FRMPD4: variants seen among roughly 807,000 people sequenced by gnomAD.
FRMPD4 encodes the protein FERM and PDZ domain-containing protein 4.
A neutral mutation model predicts 94.1 loss-of-function variants in FRMPD4; 22 were observed. The observed-to-expected ratio is 0.23, with a 90% CI of 0.17 to 0.33. FRMPD4 has a LOEUF of 0.33. FRMPD4 is among the 10% of genes least tolerant of loss of function. The pLI, the probability that FRMPD4 is intolerant of heterozygous loss-of-function variation, is 1.00. For synonymous variants in FRMPD4, 631 were observed against 548.6 expected (o/e 1.15, Z -2.10); for missense variants, 1,111 against 1,339.9 (o/e 0.83, Z 2.67).
intron 1 of FRMPD4, among the ~76,000 whole-genome samples, chrX:12,311,252 C>G (rs1027515999): frequency 1.8e-5 from 2 of 112,004 alleles, no homozygotes; most frequent in Admixed American, 1.9e-4. Flanking sequence ...GTTTCTCTCC[C>G]TTTAGTGGTT....
chrX:12,497,634 T>C (rs2057866296), intron 1 of FRMPD4, among the ~76,000 whole-genome samples: 2 of 111,359 alleles, frequency 1.8e-5, no homozygotes, highest in South Asian at 7.6e-4. Flanking sequence ...GTGAACACTT[T>C]TTTTCCAACA....
At chrX:12,559,989 C>T (rs1010283965) in intron 2 of FRMPD4, among the ~76,000 whole-genome samples, 1 of 103,866 alleles carries the variant, frequency 9.6e-6, no homozygotes, top group Non-Finnish European at 2.0e-5. Flanking sequence ...CAATTACAGA[C>T]TACATTCAGA....
At chrX:11,894,654 C>G (rs1427821181) in intron 3 of FRMPD4, among the ~76,000 whole-genome samples, 1 of 111,809 alleles carries the variant, frequency 8.9e-6, no homozygotes, top group African/African-American at 3.2e-5. Flanking sequence ...AAAAAAAATT[C>G]AGGAATCAGC....
At chrX:12,292,073 T>C (rs2147877226) in intron 1 of FRMPD4, among the ~76,000 whole-genome samples, 1 of 111,879 alleles carries the variant, frequency 8.9e-6, no homozygotes, top group East Asian at 2.8e-4. Flanking sequence ...TTGGATTTAC[T>C]GCCCATTGCA....
At chrX:12,336,398 C>T (rs1354612133) in intron 1 of FRMPD4, among the ~76,000 whole-genome samples, 1 of 111,916 alleles carries the variant, frequency 8.9e-6, no homozygotes, top group African/African-American at 3.3e-5. Flanking sequence ...AGGCTTATTT[C>T]TCTTTGGGTC....
intron 3 of FRMPD4, among the ~76,000 whole-genome samples, chrX:12,051,497 C>T (rs2054818902): frequency 1.8e-5 from 2 of 111,794 alleles, no homozygotes; most frequent in African/African-American, 6.5e-5. Context: ...AATTAGAATA[C>T]TTTATATTCC....
chrX:12,398,021 A>G (rs1439434175), intron 1 of FRMPD4, among the ~76,000 whole-genome samples: 1 of 111,387 alleles, frequency 9.0e-6, no homozygotes, highest in African/African-American at 3.3e-5. Flanking sequence ...TGATTCTCCT[A>G]TCACTGGGGG....
intron 1 of FRMPD4, among the ~76,000 whole-genome samples, chrX:12,204,410 C>T (rs2056666735): frequency 8.9e-6 from 1 of 111,906 alleles, no homozygotes; most frequent in African/African-American, 3.2e-5. Context: ...ATACTGTTGT[C>T]GCCCTTTGAT....
chrX:12,053,315 G>GAATACA (rs2054828971), intron 3 of FRMPD4, among the ~76,000 whole-genome samples: 3 of 98,280 alleles, frequency 3.1e-5, no homozygotes, highest in South Asian at 9.9e-4. Context: ...TTCCAGCCTG[G>GAATACA]GTGACAGAAA....
At chrX:12,362,361 C>T (rs1414747889) in intron 1 of FRMPD4, among the ~76,000 whole-genome samples, 2 of 110,635 alleles carry the variant, frequency 1.8e-5, no homozygotes, top group African/African-American at 6.6e-5. Context: ...CCCCCCTCCT[C>T]CCACTCCATG....
chrX:12,614,798 G>T lies in FRMPD4; in HGVS notation c.339G>T (p.Lys113Asn). 1 of 1,176,078 alleles carries T rather than the reference G, an allele frequency of 8.5e-7. No homozygotes were observed. Among genetic ancestry groups the T allele is most frequent in the Non-Finnish European group, 1.2e-6 (1 of 864,182 alleles). The part of the protein sequence containing the change: ...SVTPGGPSEG[K>N]LIPGDQIVMI... ...CTCCAGGTGGCCCCTCTGAAGGCAA[G>T]CTGATCCCGGGAGATCAGATTGTAA... Residue 113 changes from lysine (K) to asparagine (N), a missense_variant, in exon 4 of 17, where the codon AAG (lysine) becomes AAT (asparagine). Lys to Asn is a moderately conservative substitution (Grantham distance 94, BLOSUM62 0). This residue lies in a region of FRMPD4 where 140 missense variants were observed against 165.9 expected (regional missense o/e 0.84). Transcript: ENST00000675598.
intron 3 of FRMPD4, among the ~76,000 whole-genome samples, chrX:11,967,637 C>A (rs2054316521): frequency 1.8e-5 from 2 of 111,003 alleles, no homozygotes; most frequent in Admixed American, 1.9e-4. Context: ...TGGTCTTACT[C>A]GTGAATGGAG....
intron 3 of FRMPD4, among the ~76,000 whole-genome samples, chrX:12,116,377 C>A (rs762594165): frequency 8.9e-5 from 10 of 112,277 alleles, no homozygotes; most frequent in Non-Finnish European, 1.7e-4. Flanking sequence ...CTTGAACTCT[C>A]CCCATGCTCC....
chrX:12,284,673 C>T (rs1461741394), intron 1 of FRMPD4, among the ~76,000 whole-genome samples: 2 of 111,773 alleles, frequency 1.8e-5, no homozygotes, highest in Non-Finnish European at 3.8e-5. Context: ...CCAACCCCCT[C>T]GCAAAAGCAT....
chrX:12,081,730 C>A (rs2055063766), intron 3 of FRMPD4, among the ~76,000 whole-genome samples: 1 of 111,431 alleles, frequency 9.0e-6, no homozygotes, highest in Non-Finnish European at 1.9e-5. Context: ...TTTTTATTAC[C>A]TTTGAAATTC....
At chrX:11,996,775 C>A (rs1436387948) in intron 3 of FRMPD4, among the ~76,000 whole-genome samples, 11 of 111,282 alleles carry the variant, frequency 9.9e-5, no homozygotes, top group African/African-American at 3.3e-4. Flanking sequence ...GGAAGGGAGG[C>A]AAGAGAATAT....
chrX:12,397,506 G>T (rs186464859), intron 1 of FRMPD4, among the ~76,000 whole-genome samples: 1 of 112,089 alleles, frequency 8.9e-6, no homozygotes, highest in African/African-American at 3.2e-5. Flanking sequence ...TTGGAAAATG[G>T]ATAGCGAGGT....
intron 3 of FRMPD4, among the ~76,000 whole-genome samples, chrX:12,068,851 G>A (rs932987992): frequency 8.9e-6 from 1 of 112,305 alleles, no homozygotes; most frequent in Non-Finnish European, 1.9e-5. Flanking sequence ...TTTGTTGAGT[G>A]TCTACCATAT....
intron 1 of FRMPD4, among the ~76,000 whole-genome samples, chrX:12,424,631 G>C (rs992015055): frequency 5.3e-5 from 6 of 112,225 alleles, no homozygotes; most frequent in Non-Finnish European, 1.1e-4. Context: ...ACCACATTCT[G>C]ATTAGCGAGG....
Sources: gnomAD v4.1 joint callset for allele counts (sites outside exome capture counted in the v4.1 genomes callset) on GRCh38, gnomAD v4.1.1 for gene constraint, gnomAD v4.1.1 regional missense constraint, MANE v1.5 for transcripts, NCBI Gene and HGNC (gene_info 2026-07-23, HGNC 2026-07-21) for gene names.